EYS: variants seen among roughly 807,000 people sequenced by gnomAD.
The protein encoded by EYS is protein eyes shut homolog.
A neutral mutation model predicts 282.1 loss-of-function variants in EYS; 250 were observed. The observed-to-expected ratio is 0.89, with a 90% CI of 0.80 to 0.98. The LOEUF (loss-of-function observed/expected upper bound fraction) is 0.98. Among genes scored for constraint, EYS ranks in the 50% least tolerant of loss-of-function variants. The probability of loss-of-function intolerance (pLI) is 0.00; values close to 1 mark genes in which losing one functional copy is unlikely to be tolerated. For synonymous variants in EYS, 1,355 were observed against 1,282.9 expected (o/e 1.06, Z -1.20); for missense variants, 4,016 against 3,709.0 (o/e 1.08, Z -2.15).
chr6:64,421,498 C>T (rs921494797), intron 28 of EYS, among the ~76,000 whole-genome samples: 7 of 152,010 alleles, frequency 4.6e-5, no homozygotes, highest in Non-Finnish European at 8.8e-5. Flanking sequence ...AATTATCAAG[C>T]AGAAATAAAT....
intron 22 of EYS, among the ~76,000 whole-genome samples, chr6:64,696,066 T>C (rs1770568359): frequency 6.6e-6 from 1 of 151,944 alleles, no homozygotes; most frequent in Non-Finnish European, 1.5e-5. Context: ...TTAAAAGATA[T>C]TCAAAAAGAT....
At chr6:65,635,224 T>G (rs1472716454) in intron 2 of EYS, among the ~76,000 whole-genome samples, 2 of 152,302 alleles carry the variant, frequency 1.3e-5, no homozygotes, top group East Asian at 3.9e-4. Flanking sequence ...CCCACAACTA[T>G]GCCTCTTGTC....
intron 26 of EYS, among the ~76,000 whole-genome samples, chr6:64,507,641 A>C (rs1026682728): frequency 6.6e-6 from 1 of 152,198 alleles, no homozygotes; most frequent in African/African-American, 2.4e-5. Context: ...CAACTGGGTA[A>C]AGCTAGAACT....
chr6:64,830,143 C>A (rs550283186), intron 19 of EYS, among the ~76,000 whole-genome samples: 4 of 151,978 alleles, frequency 2.6e-5, no homozygotes, highest in Non-Finnish European at 5.9e-5. Flanking sequence ...CCCAAGGGAA[C>A]CTTCCACCAT....
At chr6:64,526,529 A>T (rs1188567634) in intron 26 of EYS, among the ~76,000 whole-genome samples, 1 of 151,878 alleles carries the variant, frequency 6.6e-6, no homozygotes, top group Non-Finnish European at 1.5e-5. Flanking sequence ...TTACATATTG[A>T]CCATTTAACA....
At chr6:65,317,873 T>C (rs138529791) in intron 11 of EYS, among the ~76,000 whole-genome samples, 26 of 58,658 alleles carry the variant, frequency 4.4e-4, no homozygotes, top group South Asian at 3.7e-3. Flanking sequence ...TTTCTTTCTT[T>C]CTTTCTTTCT....
At chr6:64,409,656 T>C (rs1359630376) in intron 28 of EYS, among the ~76,000 whole-genome samples, 1 of 152,150 alleles carries the variant, frequency 6.6e-6, no homozygotes, top group Non-Finnish European at 1.5e-5. Context: ...AAAATGCTCT[T>C]ATTATTTTGG....
chr6:65,611,195 C>A (rs1765987377), intron 2 of EYS, among the ~76,000 whole-genome samples: 1 of 151,022 alleles, frequency 6.6e-6, no homozygotes, highest in Non-Finnish European at 1.5e-5. Context: ...AAAAAGCTTC[C>A]TTTCTTCTTG....
chr6:65,309,760 T>A (rs1486872502), intron 11 of EYS, among the ~76,000 whole-genome samples: 3 of 152,190 alleles, frequency 2.0e-5, no homozygotes, highest in Non-Finnish European at 4.4e-5. Context: ...TCTATGGTTA[T>A]CCTTTATGTA....
intron 35 of EYS, among the ~76,000 whole-genome samples, chr6:63,872,501 C>T (rs1772836452): frequency 2.4e-5 from 2 of 84,462 alleles, no homozygotes; most frequent in African/African-American, 1.2e-4. Context: ...TTTTTTAGAC[C>T]TAGTCTCGCT....
chr6:64,309,133 C>T (rs1769574915), intron 29 of EYS, among the ~76,000 whole-genome samples: 1 of 152,012 alleles, frequency 6.6e-6, no homozygotes, highest in African/African-American at 2.4e-5. Flanking sequence ...TCTGACATAG[C>T]TCAGCAATGG....
intron 36 of EYS, among the ~76,000 whole-genome samples, chr6:63,850,854 G>A (rs1292898242): frequency 6.6e-6 from 1 of 152,272 alleles, no homozygotes; most frequent in East Asian, 1.9e-4. Context: ...TGGGCTAAAT[G>A]CCCCAATTAA....
chr6:64,206,129 G>A (rs562840018), intron 31 of EYS, among the ~76,000 whole-genome samples: 1 of 151,834 alleles, frequency 6.6e-6, no homozygotes, highest in Non-Finnish European at 1.5e-5. Context: ...ATTTGATTAA[G>A]AATTTATCTT....
rs60435635 is a variant in EYS at position 64,670,402 on chromosome 6, AAAATAAATAAATAAATAAAT to A, written c.3444-44177_3444-44158del. ...TTACTTTAACAATATGAAGTGGCCC[AAAATAAATAAATAAATAAAT>A]AAATAAATAAATAAATAAATAAATG... On this transcript the variant is annotated intron_variant, in intron 22 of 42. Coordinates refer to ENST00000503581, the MANE Select transcript of EYS (RefSeq NM_001142800.2). 3.6e-4 allele frequency among the ~76,000 whole-genome samples: 53 copies of A among 145,524 alleles called. No homozygotes were observed. The East Asian group carries it at 8.1e-3, about 22-fold the overall frequency.
intron 1 of EYS, among the ~76,000 whole-genome samples, chr6:65,687,774 C>G (rs571009738): frequency 6.6e-6 from 1 of 152,120 alleles, no homozygotes. Context: ...CACAAGCATT[C>G]TTATACACCA....
chr6:64,068,330 G>A (rs191217706), intron 32 of EYS, among the ~76,000 whole-genome samples: 6 of 151,670 alleles, frequency 4.0e-5, no homozygotes, highest in Admixed American at 2.0e-4. Context: ...TTTTCTTATT[G>A]AATACAAGCT....
chr6:65,265,749 A>G (rs1562059588), intron 12 of EYS, among the ~76,000 whole-genome samples: 1 of 151,984 alleles, frequency 6.6e-6, no homozygotes, highest in South Asian at 2.1e-4. Flanking sequence ...TGTAACTTAC[A>G]GAGTAAGGAT....
chr6:64,911,503 G>C (rs975952623), intron 16 of EYS, among the ~76,000 whole-genome samples: 3 of 152,084 alleles, frequency 2.0e-5, no homozygotes. Flanking sequence ...CTTTGAATAA[G>C]ATGTCTGTTT....
intron 18 of EYS, 26 bp downstream of exon 18, chr6:64,902,087 T>A: frequency 6.9e-7 from 1 of 1,454,422 alleles, no homozygotes; most frequent in African/African-American, 1.4e-5. Flanking sequence ...ATCAAATAAT[T>A]AATTTAATAA....
Sources: gnomAD v4.1 joint callset for allele counts (sites outside exome capture counted in the v4.1 genomes callset) on GRCh38, gnomAD v4.1.1 for gene constraint, MANE v1.5 for transcripts, NCBI Gene and HGNC (gene_info 2026-07-23, HGNC 2026-07-21) for gene names.